HHIP: variants seen among roughly 807,000 people sequenced by gnomAD.
The protein encoded by HHIP is hedgehog-interacting protein.
HHIP carries 12 observed loss-of-function variants against 74.0 expected under a neutral mutation model. The observed-to-expected ratio is 0.16, with a 90% CI of 0.10 to 0.26. The LOEUF is 0.26. HHIP is among the 10% of genes least tolerant of loss of function. The pLI is 1.00. For missense variants in HHIP, 788 were observed against 845.0 expected (o/e 0.93, Z 0.84); for synonymous variants, 309 against 311.6 (o/e 0.99, Z 0.09).
intron 2 of HHIP, among the ~76,000 whole-genome samples, chr4:144,653,675 G>A (rs1265010084): frequency 6.6e-6 from 1 of 152,036 alleles, no homozygotes; most frequent in African/African-American, 2.4e-5. Flanking sequence ...CAAGCTTTAA[G>A]AACCGTAGAA....
At chr4:144,733,491 G>C (rs1299003241) in intron 11 of HHIP, among the ~76,000 whole-genome samples, 2 of 152,100 alleles carry the variant, frequency 1.3e-5, no homozygotes, top group Non-Finnish European at 2.9e-5. Context: ...TATCATCACT[G>C]TTCATATTGC....
chr4:144,658,059 C>A (rs1728599476), intron 2 of HHIP, among the ~76,000 whole-genome samples: 1 of 152,026 alleles, frequency 6.6e-6, no homozygotes, highest in Non-Finnish European at 1.5e-5. Flanking sequence ...CACCTGATGG[C>A]CTGTCTCCTT....
chr4:144,671,551 C>T (rs1729038044), intron 4 of HHIP, among the ~76,000 whole-genome samples: 1 of 152,168 alleles, frequency 6.6e-6, no homozygotes, highest in Non-Finnish European at 1.5e-5. Context: ...TGTAATATCC[C>T]ACCTCAGTTG....
intron 1 of HHIP, chr4:144,648,433 T>G (rs1728330304): frequency 6.6e-6 from 1 of 152,202 alleles, no homozygotes; most frequent in Admixed American, 6.5e-5. Context: ...GGTTTTCAGC[T>G]GCAACTCTCT....
rs533885233 is a variant in HHIP at position 144,713,232 on chromosome 4, GATTA to G, written c.1424-989_1424-986del. 3.3e-5 allele frequency among the ~76,000 whole-genome samples: 5 copies of G among 152,106 alleles called. No individual in the cohort carries two copies. The East Asian group carries it at 5.8e-4, about 18-fold the overall frequency. Reference sequence around the variant, plus strand: ...AAATGAGGAAACTGAGGCACAGAAAGATTAATTGTCACACAACACAAAGTGGCAG... The same window carrying G: ...AAATGAGGAAACTGAGGCACAGAAAGATTGTCACACAACACAAAGTGGCAG... On this transcript the variant is annotated intron_variant, in intron 8 of 12. Transcript: ENST00000296575.
rs1282683039 is a variant in HHIP at position 144,706,021 on chromosome 4, G to GATGC, written c.832-509_832-506dup. The stretch of plus-strand genomic sequence containing the variant: ...CACCATCGTTGTGACAACTGATGTA[G>GATGC]ATGCCTCCAGGGTAAAGCAAAGGTT... On this transcript the variant is annotated intron_variant, in intron 4 of 12. Coordinates refer to ENST00000296575, the MANE Select transcript of HHIP (RefSeq NM_022475.3). Among the ~76,000 whole-genome samples the GATGC allele has an allele frequency of 3.2e-4, 49 of 152,344 alleles. No homozygotes were observed. The Middle Eastern group carries it at 0.01, about 32-fold the overall frequency.
At chr4:144,734,968 T>A (rs1279872314) in intron 12 of HHIP, 79 bp downstream of exon 12, 2 of 1,351,156 alleles carry the variant, frequency 1.5e-6, no homozygotes, top group African/African-American at 2.9e-5. Context: ...CATTGATTGT[T>A]TCTTCTACAA....
chr4:144,661,649 G>T (rs185710908), intron 4 of HHIP, among the ~76,000 whole-genome samples: 1 of 152,242 alleles, frequency 6.6e-6, no homozygotes, highest in East Asian at 1.9e-4. Context: ...CTGTCAGTAT[G>T]ATGGGGCAGA....
intron 3 of HHIP, 121 bp from the exon 4 acceptor site, chr4:144,659,509 TTAGCAAG>T: frequency 1.8e-6 from 1 of 559,800 alleles, no homozygotes; most frequent in Admixed American, 3.1e-5. Context: ...GACCCTTGGG[TTAGCAAG>T]CACTTCATGG....
At chr4:144,731,996 A>G (rs1730971776) in intron 11 of HHIP, among the ~76,000 whole-genome samples, 1 of 152,098 alleles carries the variant, frequency 6.6e-6, no homozygotes, top group African/African-American at 2.4e-5. Context: ...TTTATGTCTT[A>G]TCTCCCTGAA....
At chr4:144,674,346 A>G (rs896626745) in intron 4 of HHIP, among the ~76,000 whole-genome samples, 1 of 152,190 alleles carries the variant, frequency 6.6e-6, no homozygotes, top group Non-Finnish European at 1.5e-5. Flanking sequence ...GTTAAACTCA[A>G]TATCTTATGT....
intron 4 of HHIP, among the ~76,000 whole-genome samples, chr4:144,679,910 T>C (rs954065854): frequency 6.6e-6 from 1 of 152,208 alleles, no homozygotes; most frequent in South Asian, 2.1e-4. Context: ...TATTCACTTA[T>C]ATAAAAACAA....
chr4:144,672,510 G>C (rs1002819794), intron 4 of HHIP, among the ~76,000 whole-genome samples: 12 of 152,028 alleles, frequency 7.9e-5, no homozygotes, highest in Non-Finnish European at 1.2e-4. Flanking sequence ...GAAGAGGAGA[G>C]TAGTTGTAGG....
intron 4 of HHIP, among the ~76,000 whole-genome samples, chr4:144,694,070 G>A (rs78533160): frequency 6.6e-6 from 1 of 151,802 alleles, no homozygotes; most frequent in South Asian, 2.1e-4. Context: ...TTCTGCATTT[G>A]ATCATTTTGT....
intron 4 of HHIP, among the ~76,000 whole-genome samples, chr4:144,665,536 T>A (rs1008463095): frequency 6.6e-6 from 1 of 152,220 alleles, no homozygotes; most frequent in Non-Finnish European, 1.5e-5. Flanking sequence ...ATTTTAAATG[T>A]ATAAATGCCC....
intron 4 of HHIP, among the ~76,000 whole-genome samples, chr4:144,684,403 C>T (rs1349831307): frequency 5.3e-5 from 8 of 150,244 alleles, no homozygotes; most frequent in Admixed American, 4.0e-4. Context: ...GGACTACAGG[C>T]GCTCGCCACC....
intron 4 of HHIP, among the ~76,000 whole-genome samples, chr4:144,660,761 A>G (rs114674837): frequency 0.035 from 5,405 of 152,256 alleles, 114 homozygotes; most frequent in Middle Eastern, 0.048. Context: ...GTGAGAGTTA[A>G]GATGACTCCA....
intron 1 of HHIP, among the ~76,000 whole-genome samples, chr4:144,652,191 C>A (rs970980896): frequency 1.3e-5 from 2 of 151,936 alleles, no homozygotes; most frequent in African/African-American, 4.8e-5. Context: ...ACATAAGACA[C>A]AAATAAGCCA....
intron 2 of HHIP, among the ~76,000 whole-genome samples, chr4:144,653,681 T>C (rs745922721): frequency 1.1e-4 from 16 of 152,148 alleles, no homozygotes; most frequent in Non-Finnish European, 2.1e-4. Context: ...TTAAGAACCG[T>C]AGAATGCACC....
Sources: allele counts gnomAD v4.1 joint callset (sites outside exome capture counted in the v4.1 genomes callset), GRCh38; gene constraint gnomAD v4.1.1; transcripts MANE v1.5; gene names NCBI Gene and HGNC (gene_info 2026-07-23, HGNC 2026-07-21).